ABCA8: variants seen among roughly 807,000 people sequenced by gnomAD.
ABCA8 encodes ABC-type organic anion transporter ABCA8.
Under a neutral mutation model 192.3 loss-of-function variants are expected in ABCA8, and 177 were observed. The ratio of observed to expected loss-of-function variants is 0.92; its 90% confidence interval spans 0.81 to 1.04. The LOEUF is 1.04. ABCA8 is among the 50% of genes least tolerant of loss of function. The probability of loss-of-function intolerance (pLI) is 0.00; values close to 1 mark genes in which losing one functional copy is unlikely to be tolerated. For synonymous variants in ABCA8, 642 were observed against 690.2 expected, an observed-to-expected ratio of 0.93 and a Z score of 1.09; for missense variants, 1,915 against 1,904.8, an observed-to-expected ratio of 1.01 and a Z score of -0.10.
chr17:68,916,021 C>T (rs1250268157), intron 17 of ABCA8, among the ~76,000 whole-genome samples: 1 of 151,988 alleles, frequency 6.6e-6, no homozygotes, highest in Admixed American at 6.6e-5. Flanking sequence ...ATAAGCTAGG[C>T]ACAGAAAGAC....
intron 4 of ABCA8, among the ~76,000 whole-genome samples, chr17:68,939,365 T>C (rs2068161889): frequency 6.6e-6 from 1 of 152,038 alleles, no homozygotes; most frequent in Admixed American, 6.6e-5. Context: ...TATCCTGTGG[T>C]TTCAATGTGG....
chr17:68,876,314 TGCAA>T, intron 35 of ABCA8, 142 bp downstream of exon 35: 1 of 844,656 alleles, frequency 1.2e-6, no homozygotes. Context: ...CTTTTTTTTT[TGCAA>T]AGTATTGGTT....
rs529974936 is a variant in ABCA8, at chr17:68,888,763, A to G, written c.3145-1257T>C. ...GTATCAACCTTGGAGGTCAAATTAG[A>G]TACAATTAGAGATCTGGGGTAGAGT... is the stretch of plus-strand genomic sequence containing the variant. On this transcript the variant is annotated intron_variant, in intron 24 of 39. Coordinates refer to ENST00000586539, the MANE Select transcript of ABCA8 (RefSeq NM_001288985.2). Among the ~76,000 whole-genome samples the G allele has an allele frequency of 3.5e-4, 54 of 152,280 alleles. 1 individual carries two copies. Among genetic ancestry groups the G allele is most frequent in the Admixed American group, 3.2e-3 (49 of 15,288 alleles).
intron 1 of ABCA8, among the ~76,000 whole-genome samples, chr17:68,952,775 C>T (rs960593012): frequency 3.3e-5 from 5 of 152,126 alleles, no homozygotes; most frequent in African/African-American, 4.8e-5. Context: ...TAGATAACTG[C>T]ATCAGTAACC....
intron 13 of ABCA8, 137 bp from the exon 14 acceptor site, chr17:68,919,613 A>G: frequency 1.4e-6 from 1 of 722,954 alleles, no homozygotes; most frequent in Non-Finnish European, 2.2e-6. Context: ...CTTTAGTTGC[A>G]TAGTATATTC....
intron 23 of ABCA8, 163 bp downstream of exon 23, chr17:68,894,009 GA>G (rs201428810): frequency 4.1e-6 from 3 of 731,832 alleles, no homozygotes; most frequent in Non-Finnish European, 6.8e-6. Context: ...TTGAAGCTCT[GA>G]AAACGTATTG....
At chr17:68,919,223 T>C (rs2067471023) in intron 14 of ABCA8, 78 bp downstream of exon 14, 3 of 1,321,814 alleles carry the variant, frequency 2.3e-6, no homozygotes, top group Middle Eastern at 1.9e-4. Flanking sequence ...GCACAAATAA[T>C]TTAAAATTAA....
intron 28 of ABCA8, 24 bp from the exon 29 acceptor site, chr17:68,883,906 A>G (rs754278071): frequency 2.2e-6 from 3 of 1,365,618 alleles, no homozygotes; most frequent in East Asian, 4.6e-5. Context: ...GAGATGCACA[A>G]TTAGAAACAT....
chr17:68,952,324 T>C (rs1453161102), intron 1 of ABCA8, among the ~76,000 whole-genome samples: 1 of 152,114 alleles, frequency 6.6e-6, no homozygotes, highest in Non-Finnish European at 1.5e-5. Flanking sequence ...GTTCATGCCA[T>C]TCTCCTGCCT....
In ABCA8 at chr17:68,868,114, A is replaced by G. The variant is rs747627839; in HGVS notation, c.4837T>C (p.Trp1613Arg). The change falls in exon 40 of 40, where the codon TGG becomes CGG. Residue 1613 changes from tryptophan (W) to arginine (R), a missense_variant. By Grantham distance (101) the Trp-to-Arg change is moderately radical. Transcript: ENST00000586539. ...GGCTCTTCCTGGGGGAGGAGCTTCC[A>G]CTTCACTGAGGGATCAAAATCCTCC... ...FEEDFDPSVKWKLLPQEEP is the reference protein window; with the variant it reads ...FEEDFDPSVKRKLLPQEEP 12 of 1,612,976 alleles carry G rather than the reference A, an allele frequency of 7.4e-6. No individual in the cohort carries two copies. Among genetic ancestry groups the G allele is most frequent in the Non-Finnish European group, 1.0e-5 (12 of 1,179,520 alleles).
Position 68,903,408 on chromosome 17 carries a change from C to T in ABCA8, c.2490G>A (p.Lys830=). The T allele has an allele frequency of 6.2e-7, 1 of 1,614,190 alleles. No individual in the cohort carries two copies. ...CCACACCACCTATTGTCTTTCTCAT[C>T]TTGTTAAGTGAAGAGAGGACTTGTT... ...EMEQVLSSLN[K]MRKTIGGVAL... The change falls in exon 20 of 40, where the codon AAG becomes AAA. Residue 830 remains lysine, a synonymous_variant. Coordinates refer to ENST00000586539, the MANE Select transcript of ABCA8 (RefSeq NM_001288985.2).
intron 5 of ABCA8, among the ~76,000 whole-genome samples, chr17:68,935,540 C>CTATACATATATA (rs2068040331): frequency 1.1e-5 from 1 of 87,290 alleles, no homozygotes; most frequent in South Asian, 4.8e-4. Context: ...AGTAGTATTC[C>CTATACATATATA]TATATATATA....
intron 32 of ABCA8, 127 bp from the exon 33 acceptor site, chr17:68,877,806 C>A (rs2066245695): frequency 9.9e-7 from 1 of 1,007,122 alleles, no homozygotes; most frequent in Admixed American, 3.1e-5. Context: ...GTTTAATAAT[C>A]TGTAATCATT....
At chr17:68,894,357 G>C (rs764147450) in intron 22 of ABCA8, 47 bp from the exon 23 acceptor site, 2 of 1,520,740 alleles carry the variant, frequency 1.3e-6, no homozygotes, top group Admixed American at 2.1e-5. Flanking sequence ...TCTTCATTTT[G>C]TTCTCTAAAA....
chr17:68,907,970 A>G, intron 17 of ABCA8, 91 bp from the exon 18 acceptor site: 3 of 1,117,618 alleles, frequency 2.7e-6, no homozygotes, highest in Non-Finnish European at 2.3e-6. Context: ...TAGGACAAAG[A>G]AAATCAATTA....
intron 5 of ABCA8, among the ~76,000 whole-genome samples, chr17:68,936,046 G>A (rs1598284379): frequency 6.6e-6 from 1 of 152,086 alleles, no homozygotes; most frequent in East Asian, 1.9e-4. Context: ...TAGGCAAATG[G>A]GTTATTTGTT....
At position 68,940,858 on chromosome 17, in the gene ABCA8, T is replaced by C. The variant is rs748980871; in HGVS notation, c.201A>G (p.Val67=). The change falls in exon 4 of 40, where the codon GTA becomes GTG. Residue 67 remains valine, a synonymous_variant. Coordinates refer to ENST00000586539, the MANE Select transcript of ABCA8 (RefSeq NM_001288985.2). ...AAAATCTGGATTCATTAAATGTATC[T>C]ACCCGTCCCAGGTCCATGGTAAGCA... The part of the protein sequence containing the change: ...SSLLTMDLGR[V]DTFNESRFSV... The C allele has an allele frequency of 6.2e-7, 1 of 1,613,264 alleles. No individual in the cohort carries two copies. Among genetic ancestry groups the C allele is most frequent in the African/African-American group, 1.3e-5 (1 of 74,878 alleles).
chr17:68,918,285 C>T (rs556070137), intron 15 of ABCA8, 100 bp from the exon 16 acceptor site: 58 of 1,506,208 alleles, frequency 3.9e-5, no homozygotes, highest in African/African-American at 2.8e-4. Context: ...CAGAGTATTA[C>T]GGTTAGGATT....
rs184249703 is a variant in ABCA8 at position 68,908,479 on chromosome 17, C to T, written c.2139-600G>A. Among the ~76,000 whole-genome samples the T allele has an allele frequency of 6.2e-4, 94 of 152,110 alleles. 1 individual carries two copies. Among genetic ancestry groups the T allele is most frequent in the Non-Finnish European group, 7.4e-5 (5 of 67,980 alleles). ...CTCTTATGGAGTTCATTGTCTAGTG[C>T]GGGCGTCAGGAAGAAAACATGTAGA... is the stretch of plus-strand genomic sequence containing the variant. On this transcript the variant is annotated intron_variant, in intron 17 of 39. Coordinates refer to ENST00000586539, the MANE Select transcript of ABCA8 (RefSeq NM_001288985.2).
Sources: gnomAD v4.1 joint callset for allele counts (sites outside exome capture counted in the v4.1 genomes callset) on GRCh38, gnomAD v4.1.1 for gene constraint, MANE v1.5 for transcripts, NCBI Gene and HGNC (gene_info 2026-07-23, HGNC 2026-07-21) for gene names.